The following CHL1 variants were observed in gnomAD, a reference collection of about 807,000 sequenced individuals.
CHL1 encodes cell adhesion molecule L1 like, also known as neural cell adhesion molecule L1-like protein.
In CHL1, 96 loss-of-function variants were observed where a neutral mutation model predicts 141.9. The ratio of observed to expected loss-of-function variants is 0.68; its 90% CI spans 0.57 to 0.80. The LOEUF (loss-of-function observed/expected upper bound fraction) is 0.80, where lower values mean the gene tolerates loss of function less well. Among genes scored for constraint, CHL1 ranks in the 30% least tolerant of loss-of-function variants. CHL1 has a pLI of 0.00. For synonymous variants in CHL1, 613 were observed against 502.2 expected, an observed-to-expected ratio of 1.22 and a Z score of -2.95; for missense variants, 1,820 against 1,457.2, an observed-to-expected ratio of 1.25 and a Z score of -4.05.
At chr3:336,206 A>ATTTT (rs2125116872) in intron 5 of CHL1, among the ~76,000 whole-genome samples, 1 of 152,312 alleles carries the variant, frequency 6.6e-6, no homozygotes, top group South Asian at 2.1e-4. Flanking sequence ...ACAGATGAGC[A>ATTTT]AAAAGGCATT....
chr3:382,460 G>T lies in CHL1; in HGVS notation c.1979-14G>T. On this transcript the variant is annotated splice_polypyrimidine_tract_variant and intron_variant, in intron 17 of 27. Coordinates refer to ENST00000256509, the MANE Select transcript of CHL1 (RefSeq NM_006614.4). ...CCATACATTCTAATATTTTTTCCCTGTTTATACTACCAGAGTATATTGTTG... is the reference window on the plus strand; with the variant it reads ...CCATACATTCTAATATTTTTTCCCTTTTTATACTACCAGAGTATATTGTTG... The T allele has an allele frequency of 6.2e-7, 1 of 1,606,538 alleles. No individual in the cohort carries two copies. The highest frequency in any genetic ancestry group is 8.5e-7 in the Non-Finnish European group (1 of 1,173,490).
intron 8 of CHL1, among the ~76,000 whole-genome samples, chr3:343,272 C>A (rs1702484989): frequency 6.6e-6 from 1 of 151,886 alleles, no homozygotes; most frequent in African/African-American, 2.4e-5. Flanking sequence ...ATTGAATAGA[C>A]AGATAGAGAT....
chr3:228,004 T>C (rs187453031), intron 1 of CHL1, among the ~76,000 whole-genome samples: 38 of 152,328 alleles, frequency 2.5e-4, no homozygotes, highest in East Asian at 7.7e-4. Flanking sequence ...TGTCTGACTA[T>C]CGATCTATCC....
chr3:348,791 C>G (rs1230463246), intron 9 of CHL1, among the ~76,000 whole-genome samples: 1 of 152,214 alleles, frequency 6.6e-6, no homozygotes, highest in African/African-American at 2.4e-5. Flanking sequence ...AGTATCTGTG[C>G]TGCAGATTCC....
At chr3:219,313 C>G (rs984934744) in intron 1 of CHL1, among the ~76,000 whole-genome samples, 1 of 151,956 alleles carries the variant, frequency 6.6e-6, no homozygotes, top group East Asian at 1.9e-4. Flanking sequence ...TCCTGCAATC[C>G]CATTACTATA....
At chr3:199,047 T>C (rs1013287433) in intron 1 of CHL1, among the ~76,000 whole-genome samples, 8 of 152,354 alleles carry the variant, frequency 5.3e-5, no homozygotes, top group South Asian at 4.1e-4. Context: ...GATGTTGCAG[T>C]TGGGTTTGTC....
intron 2 of CHL1, among the ~76,000 whole-genome samples, chr3:301,612 T>G (rs1217250241): frequency 1.3e-5 from 2 of 152,186 alleles, no homozygotes; most frequent in Non-Finnish European, 2.9e-5. Context: ...GTTAACAGTA[T>G]GAGAAGCAAA....
intron 27 of CHL1, 147 bp from the exon 28 acceptor site, chr3:405,348 A>AG (rs1390280084): frequency 1.5e-5 from 9 of 586,008 alleles, no homozygotes; most frequent in African/African-American, 1.3e-4. Context: ...CATTTGTGGT[A>AG]GTATCATGTG....
chr3:337,547 T>A (rs1351566673), intron 5 of CHL1, among the ~76,000 whole-genome samples: 2 of 140,072 alleles, frequency 1.4e-5, no homozygotes, highest in Non-Finnish European at 3.0e-5. Flanking sequence ...CCCCGGTGTG[T>A]GATGTCCCCC....
chr3:319,658 C>G, intron 2 of CHL1, 25 bp from the exon 3 acceptor site: 3 of 463,244 alleles, frequency 6.5e-6, no homozygotes, highest in South Asian at 4.7e-5. Flanking sequence ...TGTGAACTAA[C>G]ATGTTATTCT....
chr3:405,837 TC>T lies in CHL1; in HGVS notation c.*128del, dbSNP rs567362749. Reference sequence around the variant, plus strand: ...CGAAGATTTCATCCAGAAGTCAACATCCTGCAATTATGTTGAAAAGAGTAGT... The same window carrying T: ...CGAAGATTTCATCCAGAAGTCAACATCTGCAATTATGTTGAAAAGAGTAGT... On this transcript the variant is annotated 3_prime_UTR_variant, in exon 28 of 28. Coordinates refer to ENST00000256509, the MANE Select transcript of CHL1 (RefSeq NM_006614.4). 4.2e-3 allele frequency: 2,794 copies of T among 662,990 alleles called. 60 individuals carry two copies. In the African/African-American group the frequency reaches 0.044, roughly 10 times the overall value. 41.1% of individuals were successfully genotyped at this position (662,990 alleles called of 1,614,324 possible). A position where few individuals can be genotyped will look rare whatever the true frequency, so the allele number is the denominator to read the frequency against.
rs113284420 is a variant in CHL1, at chr3:399,053, G to T, written c.3290G>T (p.Gly1097Val). Residue 1097 changes from glycine to valine, a missense_variant, in exon 26 of 28, where the codon GGC becomes GTC. By Grantham distance (109) the Gly-to-Val change is moderately radical (BLOSUM62 -3). Transcript: ENST00000256509. ...TTATATGATGACATCTCCACTCAAGGCTGGTTTATTGGACTGATGTGTGCG... is the reference window on the plus strand; with the variant it reads ...TTATATGATGACATCTCCACTCAAGTCTGGTTTATTGGACTGATGTGTGCG... The part of the protein sequence containing the change: ...AGLYDDISTQ[G>V]WFIGLMCAIA... 5.0e-6 allele frequency: 8 copies of T among 1,612,570 alleles called. No individual in the cohort carries two copies. In the African/African-American group the frequency reaches 8.0e-5, roughly 16 times the overall value.
At chr3:336,360 T>G (rs1701861513) in intron 5 of CHL1, among the ~76,000 whole-genome samples, 1 of 152,098 alleles carries the variant, frequency 6.6e-6, no homozygotes, top group Non-Finnish European at 1.5e-5. Context: ...GATGCCAGTG[T>G]TTTTTGGTTT....
At chr3:226,394 A>ATAC (rs1701354060) in intron 1 of CHL1, among the ~76,000 whole-genome samples, 1 of 146,388 alleles carries the variant, frequency 6.8e-6, no homozygotes, top group Non-Finnish European at 1.5e-5. Context: ...ATACTTATAT[A>ATAC]TTATATAATA....
chr3:277,227 A>G (rs1696224344), intron 2 of CHL1, among the ~76,000 whole-genome samples: 1 of 152,200 alleles, frequency 6.6e-6, no homozygotes, highest in Non-Finnish European at 1.5e-5. Flanking sequence ...TCTGCTTGAA[A>G]ACTAAAGGAT....
chr3:204,494 A>G (rs992819084), intron 1 of CHL1, among the ~76,000 whole-genome samples: 114 of 152,358 alleles, frequency 7.5e-4, no homozygotes, highest in African/African-American at 2.6e-3. Flanking sequence ...TCCAGGGACT[A>G]AGAGATGTAT....
chr3:360,062 G>C (rs1159700030), intron 11 of CHL1, among the ~76,000 whole-genome samples: 2 of 152,148 alleles, frequency 1.3e-5, no homozygotes, highest in Non-Finnish European at 2.9e-5. Context: ...CAGATATTTT[G>C]TTGCTAAATA....
chr3:379,186 G>T (rs79658524), intron 16 of CHL1, among the ~76,000 whole-genome samples: 1,749 of 152,176 alleles, frequency 0.011, 13 homozygotes, highest in Middle Eastern at 0.041. Context: ...TCTCTTCTGA[G>T]AGACTGATAA....
chr3:342,101 T>C lies in CHL1; in HGVS notation c.679+19T>C, dbSNP rs748444394. On this transcript the variant is annotated intron_variant, in intron 7 of 27. Transcript: ENST00000256509. ...AACAGTTGTAAGTCCACATAATTTA[T>C]CGTTTCATCATGTATGCTGAATGCA... The C allele has an allele frequency of 6.3e-7, 1 of 1,594,018 alleles. No individual in the cohort carries two copies. Among genetic ancestry groups the C allele is most frequent in the South Asian group, 1.1e-5 (1 of 89,662 alleles).
Sources: gnomAD v4.1 joint callset for allele counts (sites outside exome capture counted in the v4.1 genomes callset) on GRCh38, gnomAD v4.1.1 for gene constraint, MANE v1.5 for transcripts, NCBI Gene and HGNC (gene_info 2026-07-23, HGNC 2026-07-21) for gene names.